The following EYA4 variants were observed in gnomAD, a reference collection of about 807,000 sequenced individuals.
EYA4 encodes the protein protein phosphatase EYA4.
Under a neutral mutation model 87.9 loss-of-function variants are expected in EYA4, and 31 were observed. That is an observed-to-expected ratio of 0.35 (90% CI 0.27 to 0.48). The LOEUF (loss-of-function observed/expected upper bound fraction) is 0.48, where lower values mean the gene tolerates loss of function less well. Among genes scored for constraint, EYA4 ranks in the 20% least tolerant of loss-of-function variants. The pLI, the probability that EYA4 is intolerant of heterozygous loss-of-function variation, is 0.99. For missense variants in EYA4, 678 were observed against 761.4 expected, an observed-to-expected ratio of 0.89 and a Z score of 1.29; for synonymous variants, 263 against 270.6, an observed-to-expected ratio of 0.97 and a Z score of 0.28.
chr6:133,292,365 A>T (rs1019567411), intron 2 of EYA4, among the ~76,000 whole-genome samples: 1 of 152,218 alleles, frequency 6.6e-6, no homozygotes, highest in Non-Finnish European at 1.5e-5. Context: ...ATAATGCCAG[A>T]GTAATTTTTC....
chr6:133,407,908 G>A (rs1442095301), intron 3 of EYA4, among the ~76,000 whole-genome samples: 1 of 152,036 alleles, frequency 6.6e-6, no homozygotes, highest in Non-Finnish European at 1.5e-5. Flanking sequence ...TGCTTGTTTT[G>A]CTTGCCTGAT....
At chr6:133,295,052 G>A (rs1421285853) in intron 2 of EYA4, among the ~76,000 whole-genome samples, 1 of 152,102 alleles carries the variant, frequency 6.6e-6, no homozygotes, top group African/African-American at 2.4e-5. Flanking sequence ...ACAAGATAGT[G>A]TTATACTAAA....
At chr6:133,276,901 C>CAA (rs3065337) in intron 2 of EYA4, among the ~76,000 whole-genome samples, 3 of 133,690 alleles carry the variant, frequency 2.2e-5, no homozygotes, top group Non-Finnish European at 3.2e-5. Context: ...ATAGAAATGT[C>CAA]AAAAAAAAAA....
At chr6:133,474,789 C>T (rs540218751) in intron 11 of EYA4, among the ~76,000 whole-genome samples, 1 of 152,174 alleles carries the variant, frequency 6.6e-6, no homozygotes, top group East Asian at 1.9e-4. Flanking sequence ...GTATTTAGTT[C>T]AAGGGCAAGA....
rs1583583122 is a variant in EYA4 at position 133,531,003 on chromosome 6, A to G, written c.*2198A>G. Reference sequence around the variant, plus strand: ...AATAAAAACAAATTATCTTTACTGTATAGCTGGTTTCTTTAAATGTTGATA... The same window carrying G: ...AATAAAAACAAATTATCTTTACTGTGTAGCTGGTTTCTTTAAATGTTGATA... On this transcript the variant is annotated 3_prime_UTR_variant, in exon 20 of 20. Transcript: ENST00000355286. 3 of 1,361,046 alleles carry G rather than the reference A, an allele frequency of 2.2e-6. No individual in the cohort carries two copies. Among genetic ancestry groups the G allele is most frequent in the Non-Finnish European group, 1.9e-6 (2 of 1,059,042 alleles). 84.3% of individuals were successfully genotyped at this position (1,361,046 alleles called of 1,614,324 possible). A position where few individuals can be genotyped will look rare whatever the true frequency, so the allele number is the denominator to read the frequency against.
chr6:133,361,446 C>T (rs879761443), intron 2 of EYA4, among the ~76,000 whole-genome samples: 1 of 152,144 alleles, frequency 6.6e-6, no homozygotes, highest in Non-Finnish European at 1.5e-5. Context: ...ATGCTGATAC[C>T]TGGGCTTCCT....
At chr6:133,451,571 A>G (rs1793445363) in intron 5 of EYA4, among the ~76,000 whole-genome samples, 1 of 152,224 alleles carries the variant, frequency 6.6e-6, no homozygotes, top group South Asian at 2.1e-4. Flanking sequence ...AAATGTATCA[A>G]GTTCCTATTA....
At chr6:133,376,199 T>A (rs1785669719) in intron 2 of EYA4, among the ~76,000 whole-genome samples, 1 of 151,912 alleles carries the variant, frequency 6.6e-6, no homozygotes, top group Non-Finnish European at 1.5e-5. Context: ...TGCTTATCCA[T>A]GTTTTCCTTA....
chr6:133,478,499 C>A (rs1272305100), intron 11 of EYA4, among the ~76,000 whole-genome samples: 5 of 152,026 alleles, frequency 3.3e-5, no homozygotes, highest in Non-Finnish European at 7.4e-5. Context: ...AGGACAACTG[C>A]TATCCCAGGC....
At chr6:133,431,154 A>G (rs1791147386) in intron 3 of EYA4, among the ~76,000 whole-genome samples, 1 of 152,124 alleles carries the variant, frequency 6.6e-6, no homozygotes, top group Non-Finnish European at 1.5e-5. Flanking sequence ...AGTGAGGGGA[A>G]TCACCTAGGA....
intron 3 of EYA4, among the ~76,000 whole-genome samples, chr6:133,401,650 C>T (rs1335250395): frequency 1.3e-5 from 2 of 152,108 alleles, no homozygotes; most frequent in African/African-American, 2.4e-5. Context: ...TTAGCTTCAT[C>T]GTTTAACCCC....
chr6:133,447,654 C>T (rs1186650682), intron 4 of EYA4, among the ~76,000 whole-genome samples: 3 of 152,078 alleles, frequency 2.0e-5, no homozygotes, highest in Non-Finnish European at 2.9e-5. Flanking sequence ...ACGATGCAAT[C>T]TAAAGTTTTC....
intron 2 of EYA4, among the ~76,000 whole-genome samples, chr6:133,285,481 A>C (rs2128288692): frequency 6.6e-6 from 1 of 152,310 alleles, no homozygotes; most frequent in Middle Eastern, 3.4e-3. Context: ...ATAAGGCTGC[A>C]AAGGTAATCA....
intron 3 of EYA4, among the ~76,000 whole-genome samples, chr6:133,395,633 T>C (rs141060308): frequency 1.6e-4 from 24 of 152,280 alleles, no homozygotes; most frequent in African/African-American, 5.3e-4. Flanking sequence ...TGGTGTTGCG[T>C]GCCTGTAGTC....
At chr6:133,387,515 G>C (rs768724249) in intron 3 of EYA4, among the ~76,000 whole-genome samples, 1 of 152,098 alleles carries the variant, frequency 6.6e-6, no homozygotes, top group Non-Finnish European at 1.5e-5. Flanking sequence ...ACATGATCTG[G>C]TTGTACAGAC....
intron 1 of EYA4, among the ~76,000 whole-genome samples, chr6:133,263,445 T>G (rs1314000502): frequency 6.6e-6 from 1 of 152,166 alleles, no homozygotes; most frequent in East Asian, 1.9e-4. Flanking sequence ...ACAGACCAGC[T>G]TTTTTCCACA....
intron 5 of EYA4, among the ~76,000 whole-genome samples, chr6:133,456,044 G>A (rs951003653): frequency 2.0e-5 from 3 of 152,070 alleles, no homozygotes; most frequent in African/African-American, 4.8e-5. Flanking sequence ...CTTATAGCTC[G>A]TGAGTCTTTT....
intron 1 of EYA4, among the ~76,000 whole-genome samples, chr6:133,264,746 A>C (rs1776074275): frequency 6.6e-6 from 1 of 152,074 alleles, no homozygotes; most frequent in Admixed American, 6.6e-5. Context: ...CCTGGTGTGG[A>C]GTTGAGATGT....
intron 2 of EYA4, among the ~76,000 whole-genome samples, chr6:133,299,937 A>ATC (rs1290362197): frequency 2.1e-4 from 27 of 127,254 alleles, no homozygotes; most frequent in Admixed American, 8.9e-4. Context: ...CTATCTATCT[A>ATC]TCTATCTATC....
Sources: allele counts gnomAD v4.1 joint callset (sites outside exome capture counted in the v4.1 genomes callset), GRCh38; gene constraint gnomAD v4.1.1; transcripts MANE v1.5; gene names NCBI Gene and HGNC (gene_info 2026-07-23, HGNC 2026-07-21).